The following EPHA6 variants were observed in gnomAD, a reference collection of about 807,000 sequenced individuals.
The protein encoded by EPHA6 is ephrin type-A receptor 6.
EPHA6 carries 50 observed loss-of-function variants against 112.0 expected under a neutral mutation model. That is an observed-to-expected ratio of 0.45 (90% CI 0.36 to 0.56). The LOEUF (loss-of-function observed/expected upper bound fraction) is 0.56. EPHA6 is among the 20% of genes least tolerant of loss of function. The probability of loss-of-function intolerance (pLI) is 0.00; values close to 1 mark genes in which losing one functional copy is unlikely to be tolerated. For synonymous variants in EPHA6, 529 were observed against 490.7 expected (o/e 1.08, Z -1.03); for missense variants, 1,280 against 1,417.4 (o/e 0.90, Z 1.56).
intron 2 of EPHA6, among the ~76,000 whole-genome samples, chr3:96,955,640 C>G (rs2041728775): frequency 6.6e-6 from 1 of 152,022 alleles, no homozygotes; most frequent in South Asian, 2.1e-4. Context: ...CAAAAGCAGA[C>G]AGAAATTTAA....
At chr3:97,232,592 C>A (rs1450927551) in intron 4 of EPHA6, among the ~76,000 whole-genome samples, 1 of 152,274 alleles carries the variant, frequency 6.6e-6, no homozygotes, top group African/African-American at 2.4e-5. Context: ...TGATTCCTAC[C>A]TCCTCATAGG....
intron 1 of EPHA6, among the ~76,000 whole-genome samples, chr3:96,829,976 C>CAT (rs1559755343): frequency 3.3e-5 from 5 of 151,634 alleles, no homozygotes; most frequent in African/African-American, 1.2e-4. Flanking sequence ...CACACACACA[C>CAT]ACACACACAC....
chr3:97,235,675 T>C (rs1426928783), intron 4 of EPHA6, among the ~76,000 whole-genome samples: 2 of 152,098 alleles, frequency 1.3e-5, no homozygotes, highest in Non-Finnish European at 2.9e-5. Flanking sequence ...TTTGATCATA[T>C]CCCCACTGCT....
chr3:96,974,619 C>G (rs2042449279), intron 2 of EPHA6, among the ~76,000 whole-genome samples: 1 of 151,936 alleles, frequency 6.6e-6, no homozygotes, highest in Admixed American at 6.6e-5. Flanking sequence ...GAATATCTTG[C>G]AAACTACATC....
chr3:97,114,699 A>G, intron 3 of EPHA6, among the ~76,000 whole-genome samples: 1 of 152,058 alleles, frequency 6.6e-6, no homozygotes, highest in Non-Finnish European at 1.5e-5. Flanking sequence ...ATTAAAAGAA[A>G]AATGTCTTTT....
At chr3:97,495,962 C>T (rs2091967129) in intron 10 of EPHA6, among the ~76,000 whole-genome samples, 1 of 152,048 alleles carries the variant, frequency 6.6e-6, no homozygotes, top group Non-Finnish European at 1.5e-5. Flanking sequence ...TCAGTTTTTT[C>T]CCAGGTTTCC....
At chr3:97,380,948 G>C (rs901522566) in intron 5 of EPHA6, among the ~76,000 whole-genome samples, 1 of 151,940 alleles carries the variant, frequency 6.6e-6, no homozygotes, top group African/African-American at 2.4e-5. Flanking sequence ...GATTGTAAAG[G>C]CAACTTTCTC....
intron 3 of EPHA6, among the ~76,000 whole-genome samples, chr3:97,041,255 A>T (rs1459053436): frequency 2.0e-5 from 3 of 151,990 alleles, no homozygotes; most frequent in Non-Finnish European, 2.9e-5. Flanking sequence ...CCCTACTTTC[A>T]TATGTAATTG....
intron 5 of EPHA6, among the ~76,000 whole-genome samples, chr3:97,285,868 T>C (rs1576846057): frequency 6.6e-6 from 1 of 152,150 alleles, no homozygotes; most frequent in African/African-American, 2.4e-5. Flanking sequence ...TGTATGACAG[T>C]TTCCTTTTCT....
intron 3 of EPHA6, among the ~76,000 whole-genome samples, chr3:97,035,120 G>A (rs530428147): frequency 2.0e-5 from 3 of 151,810 alleles, no homozygotes; most frequent in East Asian, 1.9e-4. Flanking sequence ...AGAAATAAGC[G>A]AAATCCTATT....
rs569417797 is a variant in EPHA6, at chr3:96,961,251, G to A, written c.451-26079G>A. 8.1e-4 allele frequency among the ~76,000 whole-genome samples: 123 copies of A among 152,146 alleles called. 1 individual carries two copies. The highest frequency in any genetic ancestry group is 2.6e-4 in the Non-Finnish European group (18 of 68,020). On this transcript the variant is annotated intron_variant, in intron 2 of 17. Transcript: ENST00000389672. ...CACAGACAGGTTTTAGGGAAATCTG[G>A]GGCTCAAGTTCTCAAATGTATCTAT...
At chr3:97,250,088 C>T (rs920615400) in intron 5 of EPHA6, among the ~76,000 whole-genome samples, 1 of 152,064 alleles carries the variant, frequency 6.6e-6, no homozygotes, top group African/African-American at 2.4e-5. Context: ...AATCTTGTAA[C>T]TATATAAAAG....
chr3:97,401,221 G>A (rs1367465257), intron 5 of EPHA6, among the ~76,000 whole-genome samples: 2 of 151,464 alleles, frequency 1.3e-5, no homozygotes. Context: ...TTAAAAATTG[G>A]TATTAGTTCT....
intron 5 of EPHA6, among the ~76,000 whole-genome samples, chr3:97,311,798 T>G (rs2081575950): frequency 1.3e-5 from 2 of 149,772 alleles, no homozygotes; most frequent in African/African-American, 2.5e-5. Flanking sequence ...TGTCTTAGAG[T>G]AAGATTTTCA....
chr3:97,439,199 A>G (rs1253058682), intron 6 of EPHA6, among the ~76,000 whole-genome samples: 1 of 152,172 alleles, frequency 6.6e-6, no homozygotes. Flanking sequence ...TCATGAATGC[A>G]TTTCAAAGTG....
chr3:97,362,007 A>G (rs2084398104), intron 5 of EPHA6, among the ~76,000 whole-genome samples: 1 of 152,208 alleles, frequency 6.6e-6, no homozygotes, highest in Non-Finnish European at 1.5e-5. Context: ...ATGAAGATCT[A>G]AGATGCTCAG....
chr3:96,883,426 C>T (rs2037436921), intron 2 of EPHA6, among the ~76,000 whole-genome samples: 1 of 152,084 alleles, frequency 6.6e-6, no homozygotes, highest in African/African-American at 2.4e-5. Flanking sequence ...TAATTAGGTC[C>T]CAGCTATTTA....
At chr3:97,055,142 G>A (rs987645841) in intron 3 of EPHA6, among the ~76,000 whole-genome samples, 4 of 152,064 alleles carry the variant, frequency 2.6e-5, no homozygotes, top group African/African-American at 4.8e-5. Flanking sequence ...AGAATGGCCT[G>A]GGTTGCCTAT....
At chr3:97,501,856 G>A (rs2092126324) in intron 10 of EPHA6, among the ~76,000 whole-genome samples, 1 of 152,002 alleles carries the variant, frequency 6.6e-6, no homozygotes, top group African/African-American at 2.4e-5. Context: ...GTAAATGGTG[G>A]TCAAGGGTGC....
Sources: gnomAD v4.1 joint callset for allele counts (sites outside exome capture counted in the v4.1 genomes callset) on GRCh38, gnomAD v4.1.1 for gene constraint, MANE v1.5 for transcripts, NCBI Gene and HGNC (gene_info 2026-07-23, HGNC 2026-07-21) for gene names.